NUP160: variants seen among roughly 807,000 people sequenced by gnomAD.
The protein encoded by NUP160 is nuclear pore complex protein Nup160.
In NUP160, 94 loss-of-function variants were observed where a neutral mutation model predicts 196.9. The ratio of observed to expected loss-of-function variants is 0.48; its 90% CI spans 0.40 to 0.57. The LOEUF (loss-of-function observed/expected upper bound fraction) is 0.57. NUP160 is among the 20% of genes least tolerant of loss of function. NUP160 has a pLI of 0.00. For synonymous variants in NUP160, 605 were observed against 619.7 expected, an observed-to-expected ratio of 0.98 and a Z score of 0.35; for missense variants, 1,638 against 1,748.3, an observed-to-expected ratio of 0.94 and a Z score of 1.13.
chr11:47,795,493 G>T (rs748282361), intron 27 of NUP160, among the ~76,000 whole-genome samples: 1 of 152,116 alleles, frequency 6.6e-6, no homozygotes, highest in Non-Finnish European at 1.5e-5. Context: ...ACCTGCCTAT[G>T]AATAAACCCC....
intron 7 of NUP160, among the ~76,000 whole-genome samples, chr11:47,830,926 A>G (rs4500446): frequency 0.93 from 141,345 of 152,184 alleles, 66,547 homozygotes; most frequent in East Asian, 1. Flanking sequence ...CACTTTGGGA[A>G]GCTGAGGCTG....
At chr11:47,834,060 T>C (rs2135396912) in intron 7 of NUP160, among the ~76,000 whole-genome samples, 2 of 152,362 alleles carry the variant, frequency 1.3e-5, no homozygotes, top group Admixed American at 1.3e-4. Flanking sequence ...TGAGGTGGTC[T>C]TGGGGATTAC....
intron 23 of NUP160, among the ~76,000 whole-genome samples, chr11:47,800,391 T>C (rs1347418704): frequency 6.6e-6 from 1 of 151,894 alleles, no homozygotes; most frequent in Non-Finnish European, 1.5e-5. Context: ...TAGAGGGTTT[T>C]TTTCTTTTTT....
chr11:47,843,846 G>A (rs1182810445), intron 2 of NUP160, among the ~76,000 whole-genome samples: 2 of 152,152 alleles, frequency 1.3e-5, no homozygotes, highest in African/African-American at 4.8e-5. Flanking sequence ...TTCACAATCT[G>A]TATCTTTAGC....
At chr11:47,806,108 C>CGGG in intron 20 of NUP160, 45 bp downstream of exon 20, 1 of 1,591,650 alleles carries the variant, frequency 6.3e-7, no homozygotes, top group Non-Finnish European at 8.6e-7. Context: ...GCCAACATGC[C>CGGG]CGGCCAGAAG....
chr11:47,847,778 G>A (rs1237199719), intron 2 of NUP160, 70 bp downstream of exon 2: 10 of 970,742 alleles, frequency 1.0e-5, no homozygotes, highest in Middle Eastern at 2.1e-4. Context: ...ATAGCACTTT[G>A]GGTACAGCGA....
Position 47,840,294 on chromosome 11 carries a change from T to C in NUP160, c.525+84A>G, listed in dbSNP as rs756850785. Reference sequence around the variant, plus strand: ...TAACGAGAATCCAAATTTCCTTCAATTCCAAAAGACATCGCTCCAGCACTA... The same window carrying C: ...TAACGAGAATCCAAATTTCCTTCAACTCCAAAAGACATCGCTCCAGCACTA... On this transcript the variant is annotated intron_variant, in intron 3 of 35. Transcript: ENST00000378460. 30 of 1,254,538 alleles carry C rather than the reference T, an allele frequency of 2.4e-5. No homozygotes were observed. The African/African-American group carries it at 4.3e-4, about 18-fold the overall frequency. 77.7% of individuals were successfully genotyped at this position (1,254,538 alleles called of 1,614,324 possible).
At chr11:47,781,147 C>T (rs549611662) in intron 34 of NUP160, among the ~76,000 whole-genome samples, 8 of 151,956 alleles carry the variant, frequency 5.3e-5, no homozygotes, top group South Asian at 2.1e-4. Context: ...TGCTTGAACC[C>T]GGGAGGCGGA....
chr11:47,846,426 C>G (rs1443388828), intron 2 of NUP160, among the ~76,000 whole-genome samples: 1 of 152,198 alleles, frequency 6.6e-6, no homozygotes, highest in Non-Finnish European at 1.5e-5. Context: ...TTATTCATAT[C>G]TATCCAAAAT....
rs778724046 is a variant in NUP160 at position 47,808,548 on chromosome 11, T to G, written c.2242-19A>C. On this transcript the variant is annotated intron_variant, in intron 17 of 35. Coordinates refer to ENST00000378460, the Ensembl canonical transcript of NUP160. ...AAATCACCTATACATTATGGGTAGG[T>G]GGACCAGACAAGAAATTATAGCAAT... 1 of 1,606,234 alleles carries G rather than the reference T, an allele frequency of 6.2e-7. No individual in the cohort carries two copies. The highest frequency in any genetic ancestry group is 2.2e-5 in the East Asian group (1 of 44,794).
chr11:47,803,479 T>C (rs1565194009), exon 22 of NUP160: 1 of 1,612,610 alleles, frequency 6.2e-7, no homozygotes, highest in East Asian at 2.2e-5. Context: ...CTTCCCAGCA[T>C]AAATCGACAG....
chr11:47,782,303 A>T (rs866058239), intron 34 of NUP160, among the ~76,000 whole-genome samples: 464 of 39,400 alleles, frequency 0.012, 4 homozygotes, highest in Non-Finnish European at 0.017. Flanking sequence ...AAAAAAAAAA[A>T]ATATATATAT....
intron 34 of NUP160, among the ~76,000 whole-genome samples, chr11:47,782,515 C>T (rs781189380): frequency 6.6e-6 from 1 of 150,678 alleles, no homozygotes; most frequent in East Asian, 1.9e-4. Flanking sequence ...GGACACTTAA[C>T]GTTAACCTAT....
chr11:47,794,407 G>C (rs1010985159), intron 27 of NUP160, among the ~76,000 whole-genome samples: 1 of 152,118 alleles, frequency 6.6e-6, no homozygotes, highest in East Asian at 1.9e-4. Flanking sequence ...CCCGGGAGGT[G>C]GAGTTTGCAG....
At chr11:47,811,848 A>T (rs1027603625) in intron 17 of NUP160, among the ~76,000 whole-genome samples, 2 of 152,120 alleles carry the variant, frequency 1.3e-5, no homozygotes, top group Non-Finnish European at 2.9e-5. Context: ...CCCTCCATAT[A>T]TGCTCTTAAT....
chr11:47,822,027 A>G, intron 8 of NUP160, 60 bp downstream of exon 8: 1 of 1,150,064 alleles, frequency 8.7e-7, no homozygotes, highest in South Asian at 1.3e-5. Flanking sequence ...ACCATAACAG[A>G]GTTAGTCAAT....
intron 6 of NUP160, 34 bp from the exon 7 acceptor site, chr11:47,835,843 A>G: frequency 6.7e-7 from 1 of 1,490,550 alleles, no homozygotes; most frequent in Non-Finnish European, 9.1e-7. Context: ...GTGATATTCA[A>G]GGGATATTCA....
chr11:47,815,794 T>C, intron 12 of NUP160, 145 bp from the exon 13 acceptor site: 5 of 890,298 alleles, frequency 5.6e-6, no homozygotes, highest in Non-Finnish European at 8.7e-6. Flanking sequence ...ACTATGCAAA[T>C]GTGTATCTGA....
rs1481788811 is a variant in NUP160 at position 47,797,968 on chromosome 11, G to A, written c.3183+10C>T. Reference sequence around the variant, plus strand: ...CTTGTTGAAAGCCATCACTGGATAAGTAAAATTACCTCATTATGCAGATTC... The same window carrying A: ...CTTGTTGAAAGCCATCACTGGATAAATAAAATTACCTCATTATGCAGATTC... On this transcript the variant is annotated intron_variant, in intron 26 of 35. Coordinates refer to ENST00000378460, the Ensembl canonical transcript of NUP160. 7 of 1,566,520 alleles carry A rather than the reference G, an allele frequency of 4.5e-6. No homozygotes were observed. In the East Asian group the frequency reaches 1.6e-4, roughly 35 times the overall value.
Sources: gnomAD v4.1 joint callset for allele counts (sites outside exome capture counted in the v4.1 genomes callset) on GRCh38, gnomAD v4.1.1 for gene constraint, MANE v1.5 for transcripts, NCBI Gene and HGNC (gene_info 2026-07-23, HGNC 2026-07-21) for gene names.